ZFHX3: variants seen among roughly 807,000 people sequenced by gnomAD.
ZFHX3 encodes zinc finger homeobox 3, also known as zinc finger homeobox protein 3.
ZFHX3 carries 42 observed loss-of-function variants against 279.1 expected under a neutral mutation model. The observed-to-expected ratio is 0.15, with a 90% CI of 0.12 to 0.19. The LOEUF (loss-of-function observed/expected upper bound fraction) is 0.19, where lower values mean the gene tolerates loss of function less well. Ranked by LOEUF, ZFHX3 falls within the 10% of genes least tolerant of loss-of-function variation. The pLI, the probability that ZFHX3 is intolerant of heterozygous loss-of-function variation, is 1.00. For missense variants in ZFHX3, 4,981 were observed against 4,754.0 expected, an observed-to-expected ratio of 1.05 and a Z score of -1.40; for synonymous variants, 2,293 against 1,957.8, an observed-to-expected ratio of 1.17 and a Z score of -4.52.
intron 1 of ZFHX3, among the ~76,000 whole-genome samples, chr16:73,844,322 G>A (rs1961389022): frequency 6.6e-6 from 1 of 152,174 alleles, no homozygotes; most frequent in South Asian, 2.1e-4. Context: ...TTTGCTACTG[G>A]TACTTGGACT....
intron 3 of ZFHX3, among the ~76,000 whole-genome samples, chr16:72,942,850 G>C (rs1960475966): frequency 6.6e-6 from 1 of 152,136 alleles, no homozygotes; most frequent in South Asian, 2.1e-4. Context: ...ATCCTGGAGA[G>C]TTCAATGAAG....
chr16:73,725,894 C>A (rs1181454906), intron 1 of ZFHX3, among the ~76,000 whole-genome samples: 3 of 152,126 alleles, frequency 2.0e-5, no homozygotes, highest in African/African-American at 7.2e-5. Flanking sequence ...CCCCACTAAG[C>A]CACAGCATTA....
At chr16:73,291,525 G>C (rs1327336986) in intron 4 of ZFHX3, among the ~76,000 whole-genome samples, 1 of 152,164 alleles carries the variant, frequency 6.6e-6, no homozygotes, top group Non-Finnish European at 1.5e-5. Flanking sequence ...TTACATTAAT[G>C]ACATCTCAAC....
At chr16:73,245,464 G>A (rs933372769) in intron 5 of ZFHX3, among the ~76,000 whole-genome samples, 5 of 152,028 alleles carry the variant, frequency 3.3e-5, no homozygotes, top group African/African-American at 1.2e-4. Flanking sequence ...ACTGTGTCAG[G>A]CAAACAGCAG....
At chr16:72,859,383 A>G (rs2037827901) in intron 4 of ZFHX3, among the ~76,000 whole-genome samples, 1 of 152,158 alleles carries the variant, frequency 6.6e-6, no homozygotes, top group Non-Finnish European at 1.5e-5. Flanking sequence ...CTGGATTTCT[A>G]TGACAACCGC....
intron 7 of ZFHX3, among the ~76,000 whole-genome samples, chr16:73,115,377 CAAAAAAAA>C (rs10685277): frequency 7.4e-5 from 6 of 80,722 alleles, no homozygotes; most frequent in African/African-American, 3.2e-4. Flanking sequence ...CCTATCTCTA[CAAAAAAAA>C]AAAAAAAAAA....
At chr16:73,316,020 G>A (rs62054759) in intron 4 of ZFHX3, among the ~76,000 whole-genome samples, 14,172 of 152,144 alleles carry the variant, frequency 0.093, 703 homozygotes, top group Admixed American at 0.12. Flanking sequence ...GTTGGAAACC[G>A]CTGGCCCGCA....
chr16:73,274,457 G>A (rs2014238919), intron 4 of ZFHX3, among the ~76,000 whole-genome samples: 2 of 152,068 alleles, frequency 1.3e-5, no homozygotes, highest in Non-Finnish European at 1.5e-5. Flanking sequence ...GTTCACTTAT[G>A]TTCTATTCTA....
intron 1 of ZFHX3, among the ~76,000 whole-genome samples, chr16:73,738,737 G>T (rs187019383): frequency 1.3e-5 from 2 of 152,228 alleles, no homozygotes; most frequent in African/African-American, 4.8e-5. Context: ...TGATGCTCTG[G>T]GGAATTCACA....
chr16:73,444,259 G>C (rs1489664168), intron 3 of ZFHX3, among the ~76,000 whole-genome samples: 2 of 152,180 alleles, frequency 1.3e-5, no homozygotes, highest in Non-Finnish European at 2.9e-5. Context: ...TATACACAGA[G>C]CTCTGATCCC....
intron 1 of ZFHX3, among the ~76,000 whole-genome samples, chr16:73,760,443 C>T (rs1199577987): frequency 1.3e-5 from 2 of 151,964 alleles, no homozygotes; most frequent in Non-Finnish European, 2.9e-5. Context: ...TTTTATGAGG[C>T]CAGCATCATC....
At chr16:73,841,942 C>T (rs1031242376) in intron 1 of ZFHX3, among the ~76,000 whole-genome samples, 38 of 152,094 alleles carry the variant, frequency 2.5e-4, no homozygotes, top group African/African-American at 5.8e-4. Flanking sequence ...CAGTCAGGTG[C>T]GGTGGCTCAC....
At chr16:73,703,761 G>T (rs1391045185) in intron 1 of ZFHX3, among the ~76,000 whole-genome samples, 1 of 152,200 alleles carries the variant, frequency 6.6e-6, no homozygotes, top group Admixed American at 6.5e-5. Context: ...AGATGGATAG[G>T]AAAGCACAGA....
At chr16:73,693,147 G>A (rs890265237) in intron 1 of ZFHX3, among the ~76,000 whole-genome samples, 1 of 152,082 alleles carries the variant, frequency 6.6e-6, no homozygotes, top group African/African-American at 2.4e-5. Flanking sequence ...CAAGGACAGA[G>A]AGCCCTTGGG....
At chr16:73,665,293 A>G (rs969493087) in intron 2 of ZFHX3, among the ~76,000 whole-genome samples, 3 of 149,366 alleles carry the variant, frequency 2.0e-5, no homozygotes, top group African/African-American at 7.4e-5. Context: ...GGCTCATTGC[A>G]ACCTCCACCT....
chr16:73,738,869 G>T (rs909893912), intron 1 of ZFHX3, among the ~76,000 whole-genome samples: 1 of 152,144 alleles, frequency 6.6e-6, no homozygotes, highest in Non-Finnish European at 1.5e-5. Flanking sequence ...AAGATTACAA[G>T]ATGGAAGAAA....
chr16:73,163,674 T>G (rs1024474990), intron 5 of ZFHX3, among the ~76,000 whole-genome samples: 3 of 152,208 alleles, frequency 2.0e-5, no homozygotes, highest in African/African-American at 7.2e-5. Flanking sequence ...GAGTGCACGT[T>G]TCCTGCAATG....
In ZFHX3 at chr16:72,957,992, G is replaced by A; in HGVS notation, c.2154C>T (p.Ser718=). ...GGAAAGGCTTGTAACCACACGTGTA[G>A]CTCTCGCCTCGTGCCAGCCGGGGGT... The part of the protein sequence containing the change: ...QPHPRLARGE[S]YTCGYKPFRC... The change falls in exon 2 of 10, where the codon AGC becomes AGT. Residue 718 remains serine, a synonymous_variant. Coordinates refer to ENST00000268489, the MANE Select transcript of ZFHX3 (RefSeq NM_006885.4). 1 of 1,613,930 alleles carries A rather than the reference G, an allele frequency of 6.2e-7. No individual in the cohort carries two copies. Among genetic ancestry groups the A allele is most frequent in the Non-Finnish European group, 8.5e-7 (1 of 1,180,038 alleles).
At chr16:73,089,343 AT>A (rs1966044989) in intron 8 of ZFHX3, among the ~76,000 whole-genome samples, 1 of 152,128 alleles carries the variant, frequency 6.6e-6, no homozygotes, top group Non-Finnish European at 1.5e-5. Flanking sequence ...ACCTCAGGTG[AT>A]CCACGTAAAG....
Sources: allele counts gnomAD v4.1 joint callset (sites outside exome capture counted in the v4.1 genomes callset), GRCh38; gene constraint gnomAD v4.1.1; transcripts MANE v1.5; gene names NCBI Gene and HGNC (gene_info 2026-07-23, HGNC 2026-07-21).